The following SAMD4A variants were observed in gnomAD, a reference collection of about 807,000 sequenced individuals.
The protein encoded by SAMD4A is protein Smaug homolog 1.
In SAMD4A, 33 loss-of-function variants were observed where a neutral mutation model predicts 81.3. That is an observed-to-expected ratio of 0.41 (90% CI 0.31 to 0.54). The LOEUF is 0.54. SAMD4A is among the 20% of genes least tolerant of loss of function. The probability of loss-of-function intolerance (pLI) is 0.37; values close to 1 mark genes in which losing one functional copy is unlikely to be tolerated. For missense variants in SAMD4A, 854 were observed against 951.1 expected (o/e 0.90, Z 1.34); for synonymous variants, 389 against 382.1 (o/e 1.02, Z -0.21).
At chr14:54,616,206 C>T (rs1447956326) in intron 2 of SAMD4A, among the ~76,000 whole-genome samples, 4 of 152,170 alleles carry the variant, frequency 2.6e-5, no homozygotes, top group Non-Finnish European at 5.9e-5. Flanking sequence ...ACATTTTATA[C>T]CTGTCTTTAT....
intron 2 of SAMD4A, among the ~76,000 whole-genome samples, chr14:54,593,030 G>A (rs2033821020): frequency 6.6e-6 from 1 of 152,036 alleles, no homozygotes; most frequent in Admixed American, 6.6e-5. Context: ...GAAAATTTTA[G>A]ACATAGAAAA....
At chr14:54,675,053 C>T (rs1302384518) in intron 2 of SAMD4A, among the ~76,000 whole-genome samples, 3 of 152,054 alleles carry the variant, frequency 2.0e-5, no homozygotes, top group Admixed American at 6.6e-5. Context: ...GTGGTTGGCT[C>T]AGTAGGGAGA....
At chr14:54,618,140 G>A (rs1045910649) in intron 2 of SAMD4A, among the ~76,000 whole-genome samples, 3 of 152,166 alleles carry the variant, frequency 2.0e-5, no homozygotes, top group African/African-American at 7.2e-5. Flanking sequence ...GGCTTCTGGT[G>A]CAACTCAGAT....
chr14:54,608,890 G>C (rs1021059522), intron 2 of SAMD4A, among the ~76,000 whole-genome samples: 1 of 152,224 alleles, frequency 6.6e-6, no homozygotes, highest in African/African-American at 2.4e-5. Flanking sequence ...GTTAGCAACG[G>C]AAGACAGCTA....
intron 2 of SAMD4A, among the ~76,000 whole-genome samples, chr14:54,646,255 G>T (rs966300596): frequency 8.5e-5 from 13 of 152,160 alleles, no homozygotes; most frequent in African/African-American, 3.1e-4. Flanking sequence ...TTATGTGTCA[G>T]TGCAAATGAG....
At chr14:54,769,548 C>G (rs1300025655) in intron 8 of SAMD4A, among the ~76,000 whole-genome samples, 1 of 152,158 alleles carries the variant, frequency 6.6e-6, no homozygotes, top group Middle Eastern at 3.2e-3. Context: ...AGGTTTAAGT[C>G]AGGACTGGTA....
chr14:54,565,942 GT>G (rs933462560), upstream of SAMD4A, among the ~76,000 whole-genome samples: 5 of 150,902 alleles, frequency 3.3e-5, no homozygotes, highest in African/African-American at 1.2e-4. This position sits in a 1 kb window ranked among gnomAD's most constrained non-coding sequence, Gnocchi z 5.4. Context: ...TTAGGAATCC[GT>G]CCCCCCGCCC....
intron 2 of SAMD4A, among the ~76,000 whole-genome samples, chr14:54,685,395 T>C (rs2036240159): frequency 6.6e-6 from 1 of 152,134 alleles, no homozygotes; most frequent in African/African-American, 2.4e-5. Flanking sequence ...TAGCACAGTG[T>C]CCTTGAGGTC....
chr14:54,617,081 G>A (rs888438246), intron 2 of SAMD4A, among the ~76,000 whole-genome samples: 4 of 151,974 alleles, frequency 2.6e-5, no homozygotes, highest in Non-Finnish European at 4.4e-5. Context: ...TAAAAACCAT[G>A]GGATTTTTAA....
chr14:54,611,799 C>A (rs150626750), intron 2 of SAMD4A, among the ~76,000 whole-genome samples: 1 of 151,726 alleles, frequency 6.6e-6, no homozygotes, highest in Admixed American at 6.6e-5. Flanking sequence ...ATCACTTGAA[C>A]CCGGGAGGTG....
chr14:54,752,828 G>A (rs1212786619), intron 6 of SAMD4A, among the ~76,000 whole-genome samples: 1 of 152,208 alleles, frequency 6.6e-6, no homozygotes, highest in Admixed American at 6.5e-5. Flanking sequence ...TGTAGTAGGA[G>A]GGCAGGGTGA....
At chr14:54,660,249 CATT>C (rs2035611563) in intron 2 of SAMD4A, among the ~76,000 whole-genome samples, 1 of 152,112 alleles carries the variant, frequency 6.6e-6, no homozygotes, top group Non-Finnish European at 1.5e-5. Context: ...GGGAAGTAGG[CATT>C]ATTTTTATTT....
intron 3 of SAMD4A, among the ~76,000 whole-genome samples, chr14:54,735,814 C>T (rs2037677715): frequency 1.3e-5 from 2 of 152,230 alleles, no homozygotes; most frequent in South Asian, 4.1e-4. Flanking sequence ...CAGGACCTCT[C>T]ACCATTGAGA....
intron 6 of SAMD4A, among the ~76,000 whole-genome samples, chr14:54,758,734 G>A (rs966606259): frequency 6.6e-6 from 1 of 152,202 alleles, no homozygotes; most frequent in African/African-American, 2.4e-5. Flanking sequence ...GGAGGCTGAG[G>A]CAGGAGAATT....
intron 2 of SAMD4A, among the ~76,000 whole-genome samples, chr14:54,587,895 G>C (rs2033668793): frequency 6.6e-6 from 1 of 152,162 alleles, no homozygotes; most frequent in Non-Finnish European, 1.5e-5. Context: ...GGTGATACTG[G>C]CTTCATAGAA....
chr14:54,579,844 T>G (rs912425426), intron 2 of SAMD4A, among the ~76,000 whole-genome samples: 1 of 152,186 alleles, frequency 6.6e-6, no homozygotes, highest in African/African-American at 2.4e-5. Context: ...CGTCCTTGAC[T>G]TTGACAAACT....
intron 4 of SAMD4A, 45 bp downstream of exon 4, chr14:54,737,332 T>C (rs1277016123): frequency 1.6e-5 from 26 of 1,604,422 alleles, no homozygotes; most frequent in Non-Finnish European, 2.2e-5. Flanking sequence ...GCCCCTCCCT[T>C]TATTGGAGAC....
chr14:54,647,990 G>A (rs983680096), intron 2 of SAMD4A, among the ~76,000 whole-genome samples: 6 of 152,254 alleles, frequency 3.9e-5, no homozygotes, highest in African/African-American at 9.6e-5. Context: ...GTTCAGTAGG[G>A]TGGCCACCAG....
chr14:54,579,019 C>A (rs1206595942), intron 2 of SAMD4A, among the ~76,000 whole-genome samples: 1 of 152,186 alleles, frequency 6.6e-6, no homozygotes, highest in Non-Finnish European at 1.5e-5. Flanking sequence ...CTGTCTAAAC[C>A]TCCATATCTT....
Sources: gnomAD v4.1 joint callset for allele counts (sites outside exome capture counted in the v4.1 genomes callset) on GRCh38, gnomAD v4.1.1 for gene constraint, Gnocchi (gnomAD v3.1) non-coding constraint, MANE v1.5 for transcripts, NCBI Gene and HGNC (gene_info 2026-07-23, HGNC 2026-07-21) for gene names.